The following KCTD1 variants were observed in gnomAD, a reference collection of about 807,000 sequenced individuals.
KCTD1 encodes potassium channel tetramerization domain containing 1.
Under a neutral mutation model 66.0 loss-of-function variants are expected in KCTD1, and 24 were observed. The observed-to-expected ratio is 0.36, with a 90% CI of 0.26 to 0.51. The LOEUF (loss-of-function observed/expected upper bound fraction) is 0.51, where lower values mean the gene tolerates loss of function less well. Ranked by LOEUF, KCTD1 falls within the 20% of genes least tolerant of loss-of-function variation. The probability of loss-of-function intolerance (pLI) is 0.95; values close to 1 mark genes in which losing one functional copy is unlikely to be tolerated. For synonymous variants in KCTD1, 511 were observed against 517.2 expected (o/e 0.99, Z 0.16); for missense variants, 943 against 1,205.2 (o/e 0.78, Z 3.22).
At chr18:26,611,732 A>G (rs981904614) in intron 1 of KCTD1, among the ~76,000 whole-genome samples, 3 of 152,178 alleles carry the variant, frequency 2.0e-5, no homozygotes, top group African/African-American at 7.2e-5. Flanking sequence ...GACTATTCTC[A>G]TAAGTCATAT....
At chr18:26,490,722 T>C (rs1455581432) in intron 2 of KCTD1, among the ~76,000 whole-genome samples, 1 of 151,992 alleles carries the variant, frequency 6.6e-6, no homozygotes, top group East Asian at 1.9e-4. Context: ...GGCGGATCTG[T>C]TATTTGTTTT....
At chr18:26,575,258 G>T (rs1188282874) in intron 1 of KCTD1, 1 of 152,038 alleles carries the variant, frequency 6.6e-6, no homozygotes, top group Non-Finnish European at 1.5e-5. Context: ...GTACTGCAGG[G>T]CATAAACTAA....
rs189600095 is a variant in KCTD1 at position 26,657,249 on chromosome 18, G to T, written c.9+111C>A. On this transcript the variant is annotated intron_variant, in intron 1 of 4. Transcript: ENST00000580191. Reference sequence around the variant, plus strand: ...CGCGGCGGGCGGCGTGTGTGCGAGTGTGCCGCGCTCTCGCCCCATGCCTGG... The same window carrying T: ...CGCGGCGGGCGGCGTGTGTGCGAGTTTGCCGCGCTCTCGCCCCATGCCTGG... The T allele has an allele frequency of 1.7e-4, 138 of 830,278 alleles. 2 individuals are homozygous for T. In the Admixed American group the frequency reaches 8.3e-3, roughly 50 times the overall value. The allele number at this position is 830,278 out of a possible 1,614,324, so 51.4% of individuals were successfully genotyped here.
intron 3 of KCTD1, among the ~76,000 whole-genome samples, chr18:26,464,793 C>T (rs139110672): frequency 0.021 from 3,162 of 152,256 alleles, 49 homozygotes; most frequent in Middle Eastern, 0.078. Context: ...TTGGGACCCT[C>T]GGCAGTGGGT....
At position 26,473,740 on chromosome 18, in the gene KCTD1, G is replaced by A. The variant is rs62087027; in HGVS notation, c.2133+2775C>T. On this transcript the variant is annotated intron_variant, in intron 3 of 4. Transcript: ENST00000580059. ...CCTGGAATCAAGCTCAGTGCGGTGA[G>A]ATGCACGCCATTGAGGGGGCCTTGG... is the stretch of plus-strand genomic sequence containing the variant. Among the ~76,000 whole-genome samples, 1,252 of 152,286 alleles carry A rather than the reference G, an allele frequency of 8.2e-3. 15 individuals are homozygous for A. The highest frequency in any genetic ancestry group is 0.013 in the Non-Finnish European group (909 of 68,014).
chr18:26,585,012 CCTT>C (rs1986441877), intron 1 of KCTD1, among the ~76,000 whole-genome samples: 1 of 152,080 alleles, frequency 6.6e-6, no homozygotes, highest in Non-Finnish European at 1.5e-5. Context: ...AAGGAGCCCT[CCTT>C]CTAGGTGTGT....
chr18:26,510,470 C>G (rs1269220936), intron 1 of KCTD1, among the ~76,000 whole-genome samples: 1 of 152,184 alleles, frequency 6.6e-6, no homozygotes, highest in East Asian at 1.9e-4. Context: ...ACCCTTCTTG[C>G]TGTGGGGCAG....
chr18:26,496,640 T>G (rs978836150), intron 2 of KCTD1, among the ~76,000 whole-genome samples: 2 of 152,102 alleles, frequency 1.3e-5, no homozygotes, highest in African/African-American at 2.4e-5. Flanking sequence ...CACCTGATGA[T>G]GGAGATGAAT....
chr18:26,471,015 T>A (rs1981029030), intron 3 of KCTD1, among the ~76,000 whole-genome samples: 2 of 152,130 alleles, frequency 1.3e-5, no homozygotes, highest in East Asian at 3.9e-4. Flanking sequence ...GATGTGGTGC[T>A]TTGCTCTGTG....
At chr18:26,559,222 A>T (rs1985786497) in intron 1 of KCTD1, among the ~76,000 whole-genome samples, 1 of 152,160 alleles carries the variant, frequency 6.6e-6, no homozygotes, top group Non-Finnish European at 1.5e-5. Flanking sequence ...ACAATAATTT[A>T]ACTGTATATT....
chr18:26,513,026 G>C (rs540708800), intron 1 of KCTD1, among the ~76,000 whole-genome samples: 105 of 151,016 alleles, frequency 7.0e-4, no homozygotes, highest in African/African-American at 2.4e-3. Context: ...AATACTCTGA[G>C]AACTAAATAA....
At chr18:26,456,806 C>A (rs1181167551) in intron 4 of KCTD1, 2 of 151,840 alleles carry the variant, frequency 1.3e-5, no homozygotes, top group Non-Finnish European at 2.9e-5. Context: ...TGATCTGGAG[C>A]ATTCTGTTTC....
intron 3 of KCTD1, among the ~76,000 whole-genome samples, chr18:26,465,457 C>A (rs918981033): frequency 1.3e-5 from 2 of 152,206 alleles, no homozygotes; most frequent in African/African-American, 4.8e-5. Context: ...CTTGACAGTT[C>A]TCACCAGGCA....
intron 1 of KCTD1, among the ~76,000 whole-genome samples, chr18:26,573,856 G>A (rs1986164576): frequency 6.6e-6 from 1 of 152,078 alleles, no homozygotes; most frequent in African/African-American, 2.4e-5. Context: ...CTACAGACTG[G>A]GTTGGATGTG....
rs767953608 is a variant in KCTD1 at position 26,547,441 on chromosome 18, G to A, written c.1096C>T (p.Arg366Cys). Residue 366 changes from arginine to cysteine, a missense_variant, in exon 1 of 5, where the codon CGC becomes TGC. Physicochemically the swap from Arg to Cys is radical, Grantham distance 180. This residue lies in a region of KCTD1 where 66 missense variants were observed against 61.6 expected (regional missense o/e 1.07). Coordinates refer to ENST00000580059, the MANE Select transcript of KCTD1 (RefSeq NM_001142730.3). ...KSRSSSWSKK[R>C]AESSDEENLP... Reference sequence around the variant, plus strand: ...TTCTCCTCGTCGCTGCTCTCGGCGCGCTTCTTGCTCCACGACGACGAGCGC... The same window carrying A: ...TTCTCCTCGTCGCTGCTCTCGGCGCACTTCTTGCTCCACGACGACGAGCGC... 97 of 1,551,302 alleles carry A rather than the reference G, an allele frequency of 6.3e-5. No homozygotes were observed. The highest frequency in any genetic ancestry group is 8.4e-5 in the Non-Finnish European group (96 of 1,146,876).
At chr18:26,564,880 ACT>A (rs555483886) in intron 1 of KCTD1, among the ~76,000 whole-genome samples, 181 of 150,072 alleles carry the variant, frequency 1.2e-3, no homozygotes, top group Admixed American at 4.0e-3. Context: ...CAAGAACCAA[ACT>A]CTGTCTCAAG....
At chr18:26,500,265 A>C (rs138120856) in intron 2 of KCTD1, among the ~76,000 whole-genome samples, 2,356 of 151,998 alleles carry the variant, frequency 0.016, 24 homozygotes, top group Middle Eastern at 0.065. Flanking sequence ...AAAATTTAAA[A>C]AAAAAAAAGC....
intron 1 of KCTD1, among the ~76,000 whole-genome samples, chr18:26,651,537 A>C (rs935668770): frequency 2.6e-5 from 4 of 152,054 alleles, no homozygotes; most frequent in African/African-American, 9.7e-5. Context: ...TAATCCCAGC[A>C]CTTTGGGAGG....
At chr18:26,623,416 T>G (rs1035644437) in intron 1 of KCTD1, among the ~76,000 whole-genome samples, 2 of 152,152 alleles carry the variant, frequency 1.3e-5, no homozygotes, top group Non-Finnish European at 2.9e-5. Flanking sequence ...AGGGACTCAG[T>G]AGGATGTAAT....
Sources: allele counts gnomAD v4.1 joint callset (sites outside exome capture counted in the v4.1 genomes callset), GRCh38; gene constraint gnomAD v4.1.1; regional missense constraint gnomAD v4.1.1; transcripts MANE v1.5; gene names NCBI Gene and HGNC (gene_info 2026-07-23, HGNC 2026-07-21).